The following POLE variants were observed in gnomAD, a reference collection of about 807,000 sequenced individuals.
POLE encodes DNA polymerase epsilon, catalytic subunit.
In POLE, 188 loss-of-function variants were observed where a neutral mutation model predicts 279.2. The ratio of observed to expected loss-of-function variants is 0.67; its 90% CI spans 0.60 to 0.76. The LOEUF is 0.76. Ranked by LOEUF, POLE falls within the 30% of genes least tolerant of loss-of-function variation. The probability of loss-of-function intolerance (pLI) is 0.00; values close to 1 mark genes in which losing one functional copy is unlikely to be tolerated. For missense variants in POLE, 2,703 were observed against 3,016.7 expected, an observed-to-expected ratio of 0.90 and a Z score of 2.44; for synonymous variants, 1,214 against 1,172.5, an observed-to-expected ratio of 1.04 and a Z score of -0.72.
rs1032311596 is a variant in POLE at position 132,661,096 on chromosome 12, T to TC, written c.2932dup (p.Glu978GlyfsTer6). ...TTGGAAGATCTTAATCAGCTGCAGTTCCCCGCGGCGTTTGACCTCAAAGCC... is the reference window on the plus strand; with the variant it reads ...TTGGAAGATCTTAATCAGCTGCAGTTCCCCCGCGGCGTTTGACCTCAAAGCC... On this transcript the variant is annotated frameshift_variant, in exon 25 of 49. Transcript: ENST00000320574. LOFTEE classifies it high-confidence loss of function. The surrounding 1 kb of genome is among the most constrained non-coding windows in gnomAD (Gnocchi z 4.1). 2.5e-6 allele frequency: 4 copies of TC among 1,612,658 alleles called. No homozygotes were observed. The African/African-American group carries it at 5.4e-5, about 22-fold the overall frequency.
At chr12:132,682,447 G>C (rs1756963016) in intron 1 of POLE, among the ~76,000 whole-genome samples, 1 of 151,580 alleles carries the variant, frequency 6.6e-6, no homozygotes, top group African/African-American at 2.4e-5. Context: ...TTGCGCCACT[G>C]CACTCCAGCC....
At chr12:132,669,634 C>T (rs927100729) in intron 16 of POLE, among the ~76,000 whole-genome samples, 2 of 152,120 alleles carry the variant, frequency 1.3e-5, no homozygotes, top group African/African-American at 2.4e-5. Flanking sequence ...TACAGATAAA[C>T]GAATCAGCCG....
At chr12:132,663,589 G>A (rs1309436911) in intron 23 of POLE, among the ~76,000 whole-genome samples, 1 of 152,198 alleles carries the variant, frequency 6.6e-6, no homozygotes, top group African/African-American at 2.4e-5. Flanking sequence ...GGAGAGAAGA[G>A]GGGCTATGGT....
intron 3 of POLE, 76 bp downstream of exon 3, chr12:132,680,531 T>G: frequency 1.7e-6 from 2 of 1,187,848 alleles, no homozygotes; most frequent in Non-Finnish European, 2.5e-6. Flanking sequence ...AAGCCTCCCA[T>G]GCCCTCCCTG....
In POLE at chr12:132,681,167, T is replaced by C; in HGVS notation, c.175A>G (p.Lys59Glu). 1.2e-6 allele frequency: 2 copies of C among 1,614,100 alleles called. No homozygotes were observed. Among genetic ancestry groups the C allele is most frequent in the Non-Finnish European group, 1.7e-6 (2 of 1,180,022 alleles). The change falls in exon 2 of 49, where the codon AAG becomes GAG. Residue 59 changes from lysine to glutamate, a missense_variant. This residue lies in a region of POLE where 1,011 missense variants were observed against 1,111.7 expected (regional missense o/e 0.91). Coordinates refer to ENST00000320574, the MANE Select transcript of POLE (RefSeq NM_006231.4). ...GFERLKEPGE[K>E]TGWLINMHPT... Reference sequence around the variant, plus strand: ...TGCATGTTAATGAGCCAGCCTGTCTTCTCACCAGGCTCCTTCAGCCGCTCA... The same window carrying C: ...TGCATGTTAATGAGCCAGCCTGTCTCCTCACCAGGCTCCTTCAGCCGCTCA...
chr12:132,663,420 C>T (rs1565960149), intron 23 of POLE, among the ~76,000 whole-genome samples: 1 of 152,230 alleles, frequency 6.6e-6, no homozygotes, highest in Admixed American at 6.5e-5. Context: ...CTCCAAAAAC[C>T]CAAATCACCT....
intron 12 of POLE, among the ~76,000 whole-genome samples, chr12:132,674,988 C>T (rs540986012): frequency 1.2e-4 from 18 of 152,240 alleles, no homozygotes; most frequent in South Asian, 1.0e-3. Context: ...CGTGACTCTC[C>T]GAAGCTCTGA....
chr12:132,679,464 C>T lies in POLE; in HGVS notation c.578+33G>A, dbSNP rs368981132. ...TCCTATCCATCTTGTCGTTCTGAAC[C>T]GCTGATGCTTTGCTCACAAGACCAA... is the stretch of plus-strand genomic sequence containing the variant. On this transcript the variant is annotated intron_variant, in intron 6 of 48. Transcript: ENST00000320574. The T allele has an allele frequency of 1.1e-5, 17 of 1,582,270 alleles. No individual in the cohort carries two copies. Among genetic ancestry groups the T allele is most frequent in the Middle Eastern group, 1.8e-4 (1 of 5,620 alleles).
intron 40 of POLE, 161 bp downstream of exon 40, chr12:132,638,964 C>T: frequency 1.5e-6 from 1 of 650,732 alleles, no homozygotes. Flanking sequence ...GCAGCAGCAG[C>T]TGCGTGTTTC....
At chr12:132,633,922 C>A (rs190840098) in intron 43 of POLE, 62 of 388,420 alleles carry the variant, frequency 1.6e-4, no homozygotes, top group African/African-American at 1.0e-3. Context: ...CTCAATGACA[C>A]GGCCAGGGGC....
rs763814039 is a variant in POLE at position 132,643,606 on chromosome 12, G to A, written c.4291-46C>T. On this transcript the variant is annotated intron_variant, in intron 33 of 48. Transcript: ENST00000320574. ...GGCCGGCAAGGGCTGGATGGTGGGG[G>A]CTCTGGCTGCCCACGTGACTTCTGC... 2 of 1,610,394 alleles carry A rather than the reference G, an allele frequency of 1.2e-6. No individual in the cohort carries two copies. The highest frequency in any genetic ancestry group is 1.7e-6 in the Non-Finnish European group (2 of 1,177,368).
chr12:132,630,669 A>C (rs2041918788), intron 45 of POLE, among the ~76,000 whole-genome samples: 1 of 152,172 alleles, frequency 6.6e-6, no homozygotes. Flanking sequence ...CAGTGAGCTG[A>C]GATCGCGCCA....
At position 132,643,439 on chromosome 12, in the gene POLE, C is replaced by T. The variant is rs113809231; in HGVS notation, c.4412G>A (p.Arg1471His). The T allele has an allele frequency of 5.6e-6, 9 of 1,614,224 alleles. No homozygotes were observed. Among genetic ancestry groups the T allele is most frequent in the East Asian group, 2.2e-5 (1 of 44,882 alleles). The change falls in exon 34 of 49, where the codon CGC becomes CAC. Residue 1471 changes from arginine (R) to histidine (H), a missense_variant. This residue lies in a region of POLE where 1,551 missense variants were observed against 1,686.1 expected (regional missense o/e 0.92). Coordinates refer to ENST00000320574, the MANE Select transcript of POLE (RefSeq NM_006231.4). Reference sequence around the variant, plus strand: ...CAGGTAGCTGAACTGGGCCAGAGAGCGCATCTCCAGGTGCTCAAGAGCAAA... The same window carrying T: ...CAGGTAGCTGAACTGGGCCAGAGAGTGCATCTCCAGGTGCTCAAGAGCAAA... ...ETFALEHLEM[R>H]SLAQFSYLEP...
intron 39 of POLE, among the ~76,000 whole-genome samples, chr12:132,640,773 A>G (rs956004454): frequency 2.0e-5 from 3 of 152,194 alleles, no homozygotes; most frequent in Admixed American, 1.3e-4. Flanking sequence ...CAAACCCCAC[A>G]TTCTCCAGAG....
In POLE at chr12:132,642,289, G is replaced by C; in HGVS notation, c.5061C>G (p.Ser1687=). The change falls in exon 38 of 49, where the codon TCC becomes TCG. Residue 1687 remains serine, a synonymous_variant. Coordinates refer to ENST00000320574, the MANE Select transcript of POLE (RefSeq NM_006231.4). ...LQRHNHLLWL[S]PTARPDLGGK... is the part of the protein sequence containing the mutation. ...CACCCAGGTCAGGGCGGGCTGTAGG[G>C]GACAGCCAGAGCAGGTGGTTGTGGC... is the stretch of plus-strand genomic sequence containing the variant. The C allele has an allele frequency of 6.2e-7, 1 of 1,607,630 alleles. No individual in the cohort carries two copies. The highest frequency in any genetic ancestry group is 8.5e-7 in the Non-Finnish European group (1 of 1,177,180).
rs2135998142 is a variant in POLE at position 132,673,483 on chromosome 12, G to A, written c.1359+92C>T. On this transcript the variant is annotated intron_variant, in intron 13 of 48. Coordinates refer to ENST00000320574, the MANE Select transcript of POLE (RefSeq NM_006231.4). ...ATGCGTGCACACGGCAGCAGGGGGA[G>A]CCGGGATGTGGCTCACATGCCTGGG... The A allele has an allele frequency of 5.8e-6, 9 of 1,548,522 alleles. No homozygotes were observed. In the South Asian group the frequency reaches 1.0e-4, roughly 18 times the overall value.
chr12:132,669,550 G>T (rs1423493869), intron 16 of POLE, among the ~76,000 whole-genome samples: 1 of 152,094 alleles, frequency 6.6e-6, no homozygotes, highest in Admixed American at 6.5e-5. Flanking sequence ...AGAAAAAAGT[G>T]ATTACAAGGA....
In POLE at chr12:132,642,076, G is replaced by A. The variant is rs373067563; in HGVS notation, c.5173+101C>T. 66 of 1,168,072 alleles carry A rather than the reference G, an allele frequency of 5.7e-5. 5 individuals carry two copies. The Admixed American group carries it at 6.3e-4, about 11-fold the overall frequency. The allele number at this position is 1,168,072 out of a possible 1,614,324, so 72.4% of individuals were successfully genotyped here. ...AGCCTCAGCTCTGACCTGCGCGGTC[G>A]AACTCTGAGCCCATCCTCGGCACTA... On this transcript the variant is annotated intron_variant, in intron 38 of 48. Transcript: ENST00000320574.
intron 41 of POLE, 91 bp from the exon 42 acceptor site, chr12:132,636,115 C>A: frequency 7.7e-7 from 1 of 1,295,750 alleles, no homozygotes; most frequent in Non-Finnish European, 1.1e-6. Context: ...CTGTACCCTC[C>A]ACTTACTTAA....
Sources: gnomAD v4.1 joint callset for allele counts (sites outside exome capture counted in the v4.1 genomes callset) on GRCh38, gnomAD v4.1.1 for gene constraint, gnomAD v4.1.1 regional missense constraint, Gnocchi (gnomAD v3.1) non-coding constraint, MANE v1.5 for transcripts, NCBI Gene and HGNC (gene_info 2026-07-23, HGNC 2026-07-21) for gene names.